Variants in RBFOX1 observed in about 807,000 individuals in gnomAD.
RBFOX1 encodes the protein RNA binding fox-1 homolog 1, also known as RNA binding protein fox-1 homolog 1.
A neutral mutation model predicts 57.7 loss-of-function variants in RBFOX1; 8 were observed. The observed-to-expected ratio is 0.14, with a 90% CI of 0.08 to 0.25. The LOEUF (loss-of-function observed/expected upper bound fraction) is 0.25, where lower values mean the gene tolerates loss of function less well. Among genes scored for constraint, RBFOX1 ranks in the 10% least tolerant of loss-of-function variants. RBFOX1 has a pLI of 1.00. For synonymous variants in RBFOX1, 326 were observed against 222.4 expected, an observed-to-expected ratio of 1.47 and a Z score of -4.15; for missense variants, 611 against 548.5, an observed-to-expected ratio of 1.11 and a Z score of -1.14.
rs150029532 is a variant in RBFOX1 at position 6,020,732 on chromosome 16, G to A, written c.-127+740G>A. 2.8e-4 allele frequency among the ~76,000 whole-genome samples: 42 copies of A among 152,192 alleles called. No homozygotes were observed. The East Asian group carries it at 6.8e-3, about 25-fold the overall frequency. On this transcript the variant is annotated intron_variant, in intron 1 of 15. Coordinates refer to ENST00000550418, the MANE Select transcript of RBFOX1 (RefSeq NM_018723.4). ...GCTTGTCAGCTCCAATCAACCAATT[G>A]TCCAGCTATGGAAGCGAGGGCGGGG...
chr16:5,735,882 C>G (rs1275753434), intron 3 of RBFOX1, among the ~76,000 whole-genome samples: 1 of 152,004 alleles, frequency 6.6e-6, no homozygotes, highest in African/African-American at 2.4e-5. Flanking sequence ...TCTCAAAAAA[C>G]AAATAAAACA....
intron 2 of RBFOX1, among the ~76,000 whole-genome samples, chr16:5,492,078 C>G (rs1185238310): frequency 1.3e-5 from 2 of 152,174 alleles, no homozygotes. Flanking sequence ...CACTCTCGGG[C>G]TCTGTCCTAG....
At chr16:6,638,107 G>A (rs1419457920) in intron 2 of RBFOX1, among the ~76,000 whole-genome samples, 1 of 152,056 alleles carries the variant, frequency 6.6e-6, no homozygotes, top group East Asian at 1.9e-4. Context: ...GAATGTTGTA[G>A]GCCTGCCATT....
At chr16:7,117,129 G>A (rs971466072) in intron 4 of RBFOX1, among the ~76,000 whole-genome samples, 1 of 152,144 alleles carries the variant, frequency 6.6e-6, no homozygotes, top group Non-Finnish European at 1.5e-5. Context: ...CAGTAGGGTT[G>A]AAGAAAAGAT....
intron 11 of RBFOX1, among the ~76,000 whole-genome samples, chr16:7,649,527 C>T (rs1024162774): frequency 5.9e-5 from 9 of 151,858 alleles, no homozygotes; most frequent in Non-Finnish European, 1.0e-4. Context: ...CGCTGTGGTT[C>T]GAACACCTCT....
At chr16:5,782,987 C>G (rs1002287515) in intron 3 of RBFOX1, among the ~76,000 whole-genome samples, 4 of 152,152 alleles carry the variant, frequency 2.6e-5, no homozygotes, top group Non-Finnish European at 4.4e-5. Flanking sequence ...TTCACTTTGT[C>G]GAGTCCACTG....
intron 4 of RBFOX1, among the ~76,000 whole-genome samples, chr16:7,365,962 A>G (rs2097436131): frequency 6.6e-6 from 1 of 152,096 alleles, no homozygotes. Flanking sequence ...TATGGCTGCT[A>G]ATAGAAGGTG....
intron 3 of RBFOX1, among the ~76,000 whole-genome samples, chr16:6,785,960 C>T: frequency 6.6e-6 from 1 of 152,200 alleles, no homozygotes. Context: ...TCCCAGGTGG[C>T]ACTTACCAAC....
At chr16:5,827,463 A>G (rs535986583) in intron 3 of RBFOX1, among the ~76,000 whole-genome samples, 9 of 151,706 alleles carry the variant, frequency 5.9e-5, no homozygotes, top group Admixed American at 2.0e-4. Context: ...TTCTACTTCT[A>G]CACAGTAGTT....
chr16:7,203,180 T>G (rs1159032259), intron 4 of RBFOX1, among the ~76,000 whole-genome samples: 3 of 152,170 alleles, frequency 2.0e-5, no homozygotes, highest in African/African-American at 4.8e-5. Context: ...AATGTGATAC[T>G]CACACACGCA....
chr16:5,949,098 C>G lies in RBFOX1; in HGVS notation c.351+81763C>G, dbSNP rs73516247. Among the ~76,000 whole-genome samples, 230 of 152,212 alleles carry G rather than the reference C, an allele frequency of 1.5e-3. 1 individual carries two copies. The highest frequency in any genetic ancestry group is 5.4e-3 in the African/African-American group (224 of 41,538). ...GCCATCATGAATGACATGTCCTCCC[C>G]AACTACTAGAGTCTGTATCTACTAA... is the stretch of plus-strand genomic sequence containing the variant. On this transcript the variant is annotated intron_variant, in intron 4 of 19. Coordinates refer to the RBFOX1 transcript ENST00000641259.
intron 4 of RBFOX1, among the ~76,000 whole-genome samples, chr16:7,350,550 C>G (rs555260293): frequency 6.6e-6 from 1 of 152,120 alleles, no homozygotes; most frequent in Non-Finnish European, 1.5e-5. Context: ...TAAAAGATTC[C>G]TCTGGAAAGT....
At chr16:5,650,756 C>G (rs2049209314) in intron 3 of RBFOX1, among the ~76,000 whole-genome samples, 1 of 152,068 alleles carries the variant, frequency 6.6e-6, no homozygotes, top group Admixed American at 6.6e-5. Flanking sequence ...CCTGTCTTCT[C>G]CCACATTTAT....
chr16:5,728,109 C>T (rs2052222212), intron 3 of RBFOX1, among the ~76,000 whole-genome samples: 1 of 152,214 alleles, frequency 6.6e-6, no homozygotes, highest in African/African-American at 2.4e-5. Context: ...TACGAGTGGA[C>T]ATTCAAAAGA....
At chr16:6,653,419 G>C (rs1428208961) in intron 2 of RBFOX1, among the ~76,000 whole-genome samples, 2 of 152,148 alleles carry the variant, frequency 1.3e-5, no homozygotes, top group African/African-American at 4.8e-5. Flanking sequence ...GCCAAGAGTT[G>C]CTAAAGAAAT....
chr16:7,684,545 C>A (rs1471690186), intron 14 of RBFOX1, among the ~76,000 whole-genome samples: 2 of 151,546 alleles, frequency 1.3e-5, no homozygotes, highest in Non-Finnish European at 2.9e-5. Context: ...ATGCTTTGGC[C>A]TGAGATTATA....
chr16:7,081,270 A>T (rs1043297111), intron 4 of RBFOX1, among the ~76,000 whole-genome samples: 2 of 152,216 alleles, frequency 1.3e-5, no homozygotes, highest in African/African-American at 4.8e-5. Context: ...GCTGACCTCA[A>T]GTGATCCACC....
At chr16:5,769,634 C>T (rs774380900) in intron 3 of RBFOX1, among the ~76,000 whole-genome samples, 12 of 151,956 alleles carry the variant, frequency 7.9e-5, no homozygotes, top group Admixed American at 5.2e-4. Context: ...GTCTGGGCAA[C>T]AGAGTGAGAC....
chr16:6,655,316 G>C (rs77050149), intron 3 of RBFOX1, among the ~76,000 whole-genome samples: 5,973 of 130,408 alleles, frequency 0.046, 299 homozygotes, highest in Admixed American at 0.13. Flanking sequence ...GGAGACTGCA[G>C]TGAGCCAAAA....
Sources: allele counts gnomAD v4.1 joint callset (sites outside exome capture counted in the v4.1 genomes callset), GRCh38; gene constraint gnomAD v4.1.1; transcripts MANE v1.5; gene names NCBI Gene and HGNC (gene_info 2026-07-23, HGNC 2026-07-21).